ARHGAP44: variants seen among roughly 807,000 people sequenced by gnomAD.
The protein encoded by ARHGAP44 is Rho GTPase activating protein 44, also known as rho GTPase-activating protein 44.
In ARHGAP44, 43 loss-of-function variants were observed where a neutral mutation model predicts 106.8. That is an observed-to-expected ratio of 0.40 (90% CI 0.32 to 0.52). The LOEUF (loss-of-function observed/expected upper bound fraction) is 0.52, where lower values mean the gene tolerates loss of function less well. ARHGAP44 is among the 20% of genes least tolerant of loss of function. The probability of loss-of-function intolerance (pLI) is 0.48; values close to 1 mark genes in which losing one functional copy is unlikely to be tolerated. For missense variants in ARHGAP44, 866 were observed against 1,050.5 expected, an observed-to-expected ratio of 0.82 and a Z score of 2.43; for synonymous variants, 439 against 410.3, an observed-to-expected ratio of 1.07 and a Z score of -0.85.
intron 1 of ARHGAP44, among the ~76,000 whole-genome samples, chr17:12,857,637 T>A (rs1188405789): frequency 1.3e-5 from 2 of 152,206 alleles, no homozygotes; most frequent in Non-Finnish European, 2.9e-5. Context: ...GCAGTTGTCC[T>A]GGTGAAGTTA....
chr17:12,808,729 A>G (rs575205991), intron 1 of ARHGAP44, among the ~76,000 whole-genome samples: 1 of 152,228 alleles, frequency 6.6e-6, no homozygotes, highest in African/African-American at 2.4e-5. Context: ...CCCTGGGGAC[A>G]TTTTCTCCAT....
chr17:12,903,085 AGAGAGAGAGAG>A (rs1467631989), intron 3 of ARHGAP44, among the ~76,000 whole-genome samples: 2 of 48,720 alleles, frequency 4.1e-5, no homozygotes, highest in Non-Finnish European at 8.2e-5. Context: ...GGAATATATG[AGAGAGAGAGAG>A]AGAGAGAGAG....
At chr17:12,812,291 G>T (rs1211036229) in intron 1 of ARHGAP44, among the ~76,000 whole-genome samples, 1 of 152,176 alleles carries the variant, frequency 6.6e-6, no homozygotes, top group East Asian at 1.9e-4. Flanking sequence ...CGTATGGCTT[G>T]AGTAATCAGC....
intron 1 of ARHGAP44, among the ~76,000 whole-genome samples, chr17:12,892,050 A>G (rs995106355): frequency 6.6e-6 from 1 of 152,176 alleles, no homozygotes; most frequent in Non-Finnish European, 1.5e-5. Context: ...TTGGCATCCC[A>G]AAGTGCTGGG....
intron 5 of ARHGAP44, among the ~76,000 whole-genome samples, chr17:12,918,561 C>T (rs1369327340): frequency 1.3e-5 from 2 of 152,048 alleles, no homozygotes; most frequent in African/African-American, 2.4e-5. Flanking sequence ...AACTCGTAGC[C>T]GAGAAAAGCC....
chr17:12,912,648 A>G (rs1341876051), intron 4 of ARHGAP44, among the ~76,000 whole-genome samples: 3 of 152,178 alleles, frequency 2.0e-5, no homozygotes, highest in Admixed American at 2.0e-4. Flanking sequence ...ACTGGTGACA[A>G]AGAGTCTACA....
intron 7 of ARHGAP44, among the ~76,000 whole-genome samples, chr17:12,934,447 G>A (rs1237775322): frequency 6.6e-6 from 1 of 152,178 alleles, no homozygotes; most frequent in Non-Finnish European, 1.5e-5. Context: ...GGAAGTAAAT[G>A]AGATGCTGGA....
chr17:12,793,349 C>T (rs2033822063), intron 1 of ARHGAP44, among the ~76,000 whole-genome samples: 1 of 152,118 alleles, frequency 6.6e-6, no homozygotes. Context: ...CTACTGTGTC[C>T]CAGACACTGC....
chr17:12,985,895 A>G (rs1219092041), intron 20 of ARHGAP44: 1 of 152,274 alleles, frequency 6.6e-6, no homozygotes, highest in African/African-American at 2.4e-5. Flanking sequence ...CCACATACAC[A>G]CACACCCACT....
At chr17:12,967,741 G>C (rs1012225039) in intron 16 of ARHGAP44, among the ~76,000 whole-genome samples, 1 of 152,134 alleles carries the variant, frequency 6.6e-6, no homozygotes, top group Non-Finnish European at 1.5e-5. Context: ...TCGTTCCACT[G>C]GTCCTGGGCC....
rs541455647 is a variant in ARHGAP44, at chr17:12,897,512, A to C, written c.198+1001A>C. 2.7e-4 allele frequency among the ~76,000 whole-genome samples: 41 copies of C among 152,064 alleles called. No individual in the cohort carries two copies. In the South Asian group the frequency reaches 6.4e-3, roughly 24 times the overall value. On this transcript the variant is annotated intron_variant, in intron 3 of 20. Transcript: ENST00000379672. ...GGAATCATTTGTGTGTGTATAAATA[A>C]AACTTTCACAGCTCTGAAAAATATC...
intron 1 of ARHGAP44, among the ~76,000 whole-genome samples, chr17:12,799,923 C>T (rs899791971): frequency 2.6e-5 from 4 of 152,112 alleles, no homozygotes; most frequent in Non-Finnish European, 5.9e-5. Flanking sequence ...GCCACCATGC[C>T]CGGCCAGAGA....
chr17:12,834,010 G>A (rs978290440), intron 1 of ARHGAP44, among the ~76,000 whole-genome samples: 4 of 151,848 alleles, frequency 2.6e-5, no homozygotes, highest in African/African-American at 4.8e-5. Flanking sequence ...CCAAAAGGGA[G>A]GAGGGTATAA....
chr17:12,915,815 G>A (rs2037893040), intron 4 of ARHGAP44, 85 bp from the exon 5 acceptor site: 2 of 1,196,548 alleles, frequency 1.7e-6, no homozygotes. Context: ...AAGTTTACAA[G>A]TGAGCCAGGA....
intron 1 of ARHGAP44, among the ~76,000 whole-genome samples, chr17:12,799,892 G>A (rs1416165259): frequency 2.6e-5 from 4 of 152,152 alleles, no homozygotes; most frequent in Admixed American, 2.6e-4. Flanking sequence ...GCCTCCCAAA[G>A]TGCTAGGATT....
Position 12,929,053 on chromosome 17 carries a change from G to A in ARHGAP44, c.582+7G>A. ...CAGAGTGGAGATTTGCAGGGTACCTGCCCTCTTTGCTCCTCTCTACTGGGA... is the reference window on the plus strand; with the variant it reads ...CAGAGTGGAGATTTGCAGGGTACCTACCCTCTTTGCTCCTCTCTACTGGGA... On this transcript the variant is annotated splice_region_variant and intron_variant, in intron 7 of 20. Transcript: ENST00000379672. The A allele has an allele frequency of 6.2e-7, 1 of 1,605,268 alleles. No homozygotes were observed. Among genetic ancestry groups the A allele is most frequent in the Non-Finnish European group, 8.5e-7 (1 of 1,175,300 alleles).
At chr17:12,823,458 A>G (rs993562457) in intron 1 of ARHGAP44, among the ~76,000 whole-genome samples, 5 of 152,206 alleles carry the variant, frequency 3.3e-5, no homozygotes, top group South Asian at 2.1e-4. Context: ...AAGCTCTGTC[A>G]GATGGATGGA....
chr17:12,949,619 G>C lies in ARHGAP44; in HGVS notation c.974-30G>C. 1.2e-6 allele frequency: 2 copies of C among 1,608,966 alleles called. No homozygotes were observed. Among genetic ancestry groups the C allele is most frequent in the Non-Finnish European group, 1.7e-6 (2 of 1,175,874 alleles). ...GTCTTGCCTCTGCCACATCATAACA[G>C]TTCACAACCAATATTTCATTCATGC... is the stretch of plus-strand genomic sequence containing the variant. On this transcript the variant is annotated intron_variant, in intron 11 of 20. Coordinates refer to ENST00000379672, the MANE Select transcript of ARHGAP44 (RefSeq NM_014859.6). This position sits in a 1 kb window ranked among gnomAD's most constrained non-coding sequence, Gnocchi z 4.1.
rs768420240 is a variant in ARHGAP44, at chr17:12,980,073, G to A, written c.1779G>A (p.Lys593=). The part of the protein sequence containing the change: ...GPERTSTTKS[K]ELSPGSAQKG... ...TTCGTTTCAGCACAACAAAAAGCAA[G>A]GAACTTTCTCCAGGCTCTGCACAGA... The change falls in exon 19 of 21, where the codon AAG becomes AAA. Residue 593 remains lysine, a synonymous_variant. Transcript: ENST00000379672. The A allele has an allele frequency of 1.2e-6, 2 of 1,606,158 alleles. No homozygotes were observed. Among genetic ancestry groups the A allele is most frequent in the African/African-American group, 2.7e-5 (2 of 74,502 alleles).
Sources: gnomAD v4.1 joint callset for allele counts (sites outside exome capture counted in the v4.1 genomes callset) on GRCh38, gnomAD v4.1.1 for gene constraint, Gnocchi (gnomAD v3.1) non-coding constraint, MANE v1.5 for transcripts, NCBI Gene and HGNC (gene_info 2026-07-23, HGNC 2026-07-21) for gene names.